The following ANO10 variants were observed in gnomAD, a reference collection of about 807,000 sequenced individuals.
ANO10 encodes the protein anoctamin-10.
ANO10 carries 77 observed loss-of-function variants against 74.7 expected under a neutral mutation model. The ratio of observed to expected loss-of-function variants is 1.03; its 90% CI spans 0.86 to 1.25. ANO10 has a LOEUF of 1.25. Ranked by LOEUF, ANO10 falls within the 50% of genes most tolerant of loss-of-function variation. ANO10 has a pLI of 0.00. For synonymous variants in ANO10, 279 were observed against 284.9 expected (o/e 0.98, Z 0.21); for missense variants, 721 against 778.1 (o/e 0.93, Z 0.87).
At chr3:43,617,048 T>G (rs75595272) in intron 1 of ANO10, among the ~76,000 whole-genome samples, 7,258 of 150,886 alleles carry the variant, frequency 0.048, 198 homozygotes, top group Non-Finnish European at 0.059. Context: ...ATATCAAGTG[T>G]AAGGTGTAAA....
rs1446401006 is a variant in ANO10 at position 43,580,405 on chromosome 3, C to T, written c.540G>A (p.Lys180=). ...GAGTGTACCAGGTGTCCTCAAGCTT[C>T]TTCAGGGCTTCACTGTCATGCAGTG... ...VFPLHDSEAL[K]KLEDTWYTRF... is the part of the protein sequence containing the mutation. The change falls in exon 5 of 13, where the codon AAG becomes AAA. Residue 180 remains lysine, a synonymous_variant. Transcript: ENST00000292246. The T allele has an allele frequency of 6.2e-7, 1 of 1,614,010 alleles. No individual in the cohort carries two copies. Among genetic ancestry groups the T allele is most frequent in the Non-Finnish European group, 8.5e-7 (1 of 1,180,024 alleles).
chr3:43,415,620 C>T (rs1006313304), intron 12 of ANO10, among the ~76,000 whole-genome samples: 1 of 151,990 alleles, frequency 6.6e-6, no homozygotes, highest in Admixed American at 6.5e-5. Context: ...AGGCTCACTG[C>T]AACCTCCACC....
At chr3:43,441,907 T>G (rs1447528904) in intron 11 of ANO10, among the ~76,000 whole-genome samples, 1 of 152,118 alleles carries the variant, frequency 6.6e-6, no homozygotes, top group African/African-American at 2.4e-5. Context: ...ACAAACCACA[T>G]TATTTCAATT....
chr3:43,577,621 T>A (rs1000373872), intron 5 of ANO10, among the ~76,000 whole-genome samples: 1 of 152,188 alleles, frequency 6.6e-6, no homozygotes, highest in African/African-American at 2.4e-5. Context: ...CACTGAACAT[T>A]AATTTGGGGG....
rs900564894 is a variant in ANO10, at chr3:43,688,717, G to A, written c.-12+2800C>T. On this transcript the variant is annotated intron_variant, in intron 1 of 3. Coordinates refer to the ANO10 transcript ENST00000413397. ...AAATTAGCTGGGCGTGGTGGCGGGTGCCTGGAATCCCAGCTACTCAGGAGG... is the reference window on the plus strand; with the variant it reads ...AAATTAGCTGGGCGTGGTGGCGGGTACCTGGAATCCCAGCTACTCAGGAGG... Among the ~76,000 whole-genome samples the A allele has an allele frequency of 2.6e-5, 4 of 151,992 alleles. No homozygotes were observed. The East Asian group carries it at 5.8e-4, about 22-fold the overall frequency.
intron 12 of ANO10, among the ~76,000 whole-genome samples, chr3:43,413,762 A>T (rs570775803): frequency 6.6e-6 from 1 of 151,344 alleles, no homozygotes; most frequent in African/African-American, 2.4e-5. Flanking sequence ...GAGAACAGTG[A>T]CAAATTGACT....
At chr3:43,498,180 C>G (rs144951741) in intron 11 of ANO10, among the ~76,000 whole-genome samples, 1 of 152,188 alleles carries the variant, frequency 6.6e-6, no homozygotes, top group Non-Finnish European at 1.5e-5. Context: ...GTATGTGCAG[C>G]AGGATAAGAC....
intron 11 of ANO10, among the ~76,000 whole-genome samples, chr3:43,458,172 T>G (rs1464239792): frequency 6.6e-6 from 1 of 152,194 alleles, no homozygotes; most frequent in African/African-American, 2.4e-5. Context: ...CTTTGTCATT[T>G]GTAAAAATTA....
intron 1 of ANO10, among the ~76,000 whole-genome samples, chr3:43,611,498 A>C (rs138771215): frequency 6.6e-6 from 1 of 152,350 alleles, no homozygotes; most frequent in East Asian, 1.9e-4. Context: ...AGAATTGATT[A>C]AGAGCTTGAT....
intron 11 of ANO10, among the ~76,000 whole-genome samples, chr3:43,529,462 G>A (rs2078359191): frequency 6.6e-6 from 1 of 152,180 alleles, no homozygotes. Context: ...AGAGGTCCAG[G>A]TGATGAGTAT....
At chr3:43,676,856 C>G (rs550263362) in intron 1 of ANO10, among the ~76,000 whole-genome samples, 4 of 151,400 alleles carry the variant, frequency 2.6e-5, no homozygotes, top group Non-Finnish European at 4.4e-5. Flanking sequence ...TTTTTACTTC[C>G]CGCTTTCTAA....
intron 11 of ANO10, among the ~76,000 whole-genome samples, chr3:43,514,516 C>T (rs1026262927): frequency 7.2e-5 from 11 of 151,964 alleles, no homozygotes; most frequent in Admixed American, 5.9e-4. Flanking sequence ...ACAGACAAAG[C>T]CACAATTATA....
rs1189344153 is a variant in ANO10 at position 43,599,056 on chromosome 3, T to C, written c.338-390A>G. 2.6e-5 allele frequency among the ~76,000 whole-genome samples: 4 copies of C among 152,214 alleles called. No homozygotes were observed. The South Asian group carries it at 8.3e-4, about 32-fold the overall frequency. ...GAAGAAGTTTGCCTATATGGCAAAT[T>C]ATCCTCCTTCAAACTCTCAAGCCCA... On this transcript the variant is annotated intron_variant, in intron 3 of 12. Coordinates refer to ENST00000292246, the MANE Select transcript of ANO10 (RefSeq NM_018075.5).
intron 4 of ANO10, among the ~76,000 whole-genome samples, chr3:43,583,017 A>G (rs933285656): frequency 2.0e-5 from 3 of 152,172 alleles, no homozygotes; most frequent in African/African-American, 4.8e-5. Flanking sequence ...TACAGCATAT[A>G]AATTATTTTA....
chr3:43,632,034 C>T (rs1271981700), intron 1 of ANO10, among the ~76,000 whole-genome samples: 2 of 148,348 alleles, frequency 1.3e-5, no homozygotes, highest in Admixed American at 6.8e-5. Flanking sequence ...CACGATGCCA[C>T]TGCAGTGCAG....
At chr3:43,433,973 G>T (rs187216957) in intron 11 of ANO10, among the ~76,000 whole-genome samples, 26 of 152,312 alleles carry the variant, frequency 1.7e-4, no homozygotes, top group African/African-American at 6.3e-4. Flanking sequence ...ACAGAAAAAG[G>T]ACAGTTGAAA....
At chr3:43,664,000 C>T (rs1161491331) in intron 1 of ANO10, among the ~76,000 whole-genome samples, 1 of 152,108 alleles carries the variant, frequency 6.6e-6, no homozygotes, top group African/African-American at 2.4e-5. Flanking sequence ...CAAGCTACCA[C>T]TGACTTTCTT....
At chr3:43,520,202 T>C (rs2077888919) in intron 11 of ANO10, among the ~76,000 whole-genome samples, 1 of 152,212 alleles carries the variant, frequency 6.6e-6, no homozygotes, top group Non-Finnish European at 1.5e-5. Context: ...TCCCCAGCTC[T>C]TACTTTTAGG....
intron 11 of ANO10, among the ~76,000 whole-genome samples, chr3:43,469,855 G>C (rs1007503460): frequency 6.6e-6 from 1 of 152,174 alleles, no homozygotes; most frequent in Non-Finnish European, 1.5e-5. Context: ...TTCTTAGATA[G>C]ACAGGAAGCT....
Sources: gnomAD v4.1 joint callset for allele counts (sites outside exome capture counted in the v4.1 genomes callset) on GRCh38, gnomAD v4.1.1 for gene constraint, MANE v1.5 for transcripts, NCBI Gene and HGNC (gene_info 2026-07-23, HGNC 2026-07-21) for gene names.